GSE1: variants seen among roughly 807,000 people sequenced by gnomAD.
GSE1 encodes the protein Gse1 coiled-coil protein, also known as genetic suppressor element 1.
GSE1 carries 32 observed loss-of-function variants against 112.6 expected under a neutral mutation model. The ratio of observed to expected loss-of-function variants is 0.28; its 90% CI spans 0.21 to 0.38. The LOEUF (loss-of-function observed/expected upper bound fraction) is 0.38, where lower values mean the gene tolerates loss of function less well. Among genes scored for constraint, GSE1 ranks in the 10% least tolerant of loss-of-function variants. GSE1 has a pLI of 1.00. For synonymous variants in GSE1, 1,115 were observed against 735.6 expected (o/e 1.52, Z -8.35); for missense variants, 2,348 against 1,699.2 (o/e 1.38, Z -6.71).
chr16:85,673,215 C>G lies in GSE1; in HGVS notation c.*676C>G, dbSNP rs1002760118. ...TACTCCGTGGGGAGCATGTACAGAG[C>G]TCTGTGTATACACAGCTTCACACCC... is the stretch of plus-strand genomic sequence containing the variant. On this transcript the variant is annotated 3_prime_UTR_variant, in exon 16 of 16. Coordinates refer to ENST00000253458, the MANE Select transcript of GSE1 (RefSeq NM_014615.5). 1.9e-4 allele frequency: 29 copies of G among 152,528 alleles called. No homozygotes were observed. The highest frequency in any genetic ancestry group is 7.0e-4 in the African/African-American group (29 of 41,404). 9.4% of individuals were successfully genotyped at this position (152,528 alleles called of 1,614,324 possible).
chr16:85,254,261 G>A (rs1305987337), intron 1 of GSE1, among the ~76,000 whole-genome samples: 3 of 152,170 alleles, frequency 2.0e-5, no homozygotes, highest in Non-Finnish European at 4.4e-5. Context: ...CCCACTCCTG[G>A]GAAGCAGGAA....
chr16:85,599,387 GC>G (rs2047368891), intron 1 of GSE1, among the ~76,000 whole-genome samples: 1 of 152,240 alleles, frequency 6.6e-6, no homozygotes, highest in African/African-American at 2.4e-5. Context: ...TGGGACAGGG[GC>G]TACCTGTGGA....
At chr16:85,601,030 G>A (rs1218478806) in intron 1 of GSE1, among the ~76,000 whole-genome samples, 1 of 152,136 alleles carries the variant, frequency 6.6e-6, no homozygotes, top group Non-Finnish European at 1.5e-5. Flanking sequence ...TGCCATCCAG[G>A]AGGACTCCCT....
chr16:85,614,302 C>T (rs2048222751), intron 1 of GSE1, among the ~76,000 whole-genome samples: 1 of 152,168 alleles, frequency 6.6e-6, no homozygotes, highest in Non-Finnish European at 1.5e-5. Context: ...TATATTGCAG[C>T]ACCAGAGACA....
chr16:85,505,581 G>A (rs751536678), intron 2 of GSE1, among the ~76,000 whole-genome samples: 7 of 152,198 alleles, frequency 4.6e-5, no homozygotes, highest in African/African-American at 1.4e-4. Flanking sequence ...AGTGTCCATC[G>A]CTGTGAAATA....
chr16:85,173,988 C>G (rs2074411195), intron 1 of GSE1, among the ~76,000 whole-genome samples: 1 of 152,200 alleles, frequency 6.6e-6, no homozygotes, highest in South Asian at 2.1e-4. Context: ...TCAGAGAAGT[C>G]AGACGACACA....
At chr16:85,219,864 T>C (rs2075362906) in intron 1 of GSE1, among the ~76,000 whole-genome samples, 1 of 152,258 alleles carries the variant, frequency 6.6e-6, no homozygotes, top group Non-Finnish European at 1.5e-5. Context: ...GTTTCTGGCC[T>C]GGGCCAGGGA....
At chr16:85,469,289 A>C (rs2050215113) in intron 2 of GSE1, among the ~76,000 whole-genome samples, 1 of 151,626 alleles carries the variant, frequency 6.6e-6, no homozygotes, top group Non-Finnish European at 1.5e-5. Flanking sequence ...ATTCAATGAC[A>C]GGGGCCCTTA....
intron 2 of GSE1, among the ~76,000 whole-genome samples, chr16:85,362,253 C>T: frequency 6.6e-6 from 1 of 152,246 alleles, no homozygotes; most frequent in Non-Finnish European, 1.5e-5. Flanking sequence ...TCATCTCTTT[C>T]CAATACTCTT....
At chr16:85,506,624 G>A (rs1252335022) in intron 2 of GSE1, among the ~76,000 whole-genome samples, 1 of 152,110 alleles carries the variant, frequency 6.6e-6, no homozygotes, top group Non-Finnish European at 1.5e-5. Context: ...CATGGGTCGG[G>A]TGTTTTCTTA....
At chr16:85,605,796 G>A (rs2047680286) in intron 1 of GSE1, among the ~76,000 whole-genome samples, 1 of 152,124 alleles carries the variant, frequency 6.6e-6, no homozygotes, top group African/African-American at 2.4e-5. Context: ...TGCCCGTAGC[G>A]AGCCGGATAA....
At chr16:85,263,093 C>T (rs1053863646) in intron 1 of GSE1, among the ~76,000 whole-genome samples, 4 of 152,268 alleles carry the variant, frequency 2.6e-5, no homozygotes, top group South Asian at 2.1e-4. Flanking sequence ...AGCTAATTAG[C>T]GACGCGTAGT....
chr16:85,377,707 G>T (rs1451969158), intron 2 of GSE1, among the ~76,000 whole-genome samples: 16 of 152,250 alleles, frequency 1.1e-4, no homozygotes. Flanking sequence ...GCTCCCCTCT[G>T]TTGTTCCCGG....
At chr16:85,188,250 C>A (rs368449145) in intron 1 of GSE1, among the ~76,000 whole-genome samples, 1 of 143,950 alleles carries the variant, frequency 6.9e-6, no homozygotes, top group Non-Finnish European at 1.5e-5. Flanking sequence ...CAGCAGTCAG[C>A]GGGCACCTGC....
intron 1 of GSE1, among the ~76,000 whole-genome samples, chr16:85,346,892 G>T (rs62048506): frequency 0.39 from 58,074 of 150,622 alleles, 11,836 homozygotes; most frequent in South Asian, 0.52. Flanking sequence ...ATGAGCGGAT[G>T]GATGGTGGAC....
chr16:85,202,701 G>C (rs1249227648), intron 1 of GSE1, among the ~76,000 whole-genome samples: 1 of 152,224 alleles, frequency 6.6e-6, no homozygotes, highest in African/African-American at 2.4e-5. Flanking sequence ...GAGGGGCCCT[G>C]GGGGGCCTCT....
At chr16:85,576,770 G>C (rs369909826) in intron 1 of GSE1, among the ~76,000 whole-genome samples, 1 of 152,188 alleles carries the variant, frequency 6.6e-6, no homozygotes, top group Admixed American at 6.5e-5. Flanking sequence ...TTCCAGGCTT[G>C]CTTGGGGACT....
intron 1 of GSE1, among the ~76,000 whole-genome samples, chr16:85,178,710 C>T (rs2074518988): frequency 6.6e-6 from 1 of 151,966 alleles, no homozygotes; most frequent in Admixed American, 6.5e-5. Flanking sequence ...CTGTTCTAGA[C>T]ACCAGGACCC....
At chr16:85,472,201 A>G (rs112160691) in intron 2 of GSE1, among the ~76,000 whole-genome samples, 2,173 of 152,324 alleles carry the variant, frequency 0.014, 48 homozygotes, top group African/African-American at 0.05. Flanking sequence ...TGGGGCTGCC[A>G]TGATAAATGA....
Sources: allele counts gnomAD v4.1 joint callset (sites outside exome capture counted in the v4.1 genomes callset), GRCh38; gene constraint gnomAD v4.1.1; transcripts MANE v1.5; gene names NCBI Gene and HGNC (gene_info 2026-07-23, HGNC 2026-07-21).